The following INPP5D variants were observed in gnomAD, a reference collection of about 807,000 sequenced individuals.
INPP5D encodes the protein phosphatidylinositol 3,4,5-trisphosphate 5-phosphatase 1.
Under a neutral mutation model 122.9 loss-of-function variants are expected in INPP5D, and 33 were observed. The observed-to-expected ratio is 0.27, with a 90% confidence interval of 0.20 to 0.36. The LOEUF (loss-of-function observed/expected upper bound fraction) is 0.36, where lower values mean the gene tolerates loss of function less well. Among genes scored for constraint, INPP5D ranks in the 10% least tolerant of loss-of-function variants. INPP5D has a pLI of 1.00. For synonymous variants in INPP5D, 584 were observed against 576.2 expected (o/e 1.01, Z -0.19); for missense variants, 1,053 against 1,412.7 (o/e 0.75, Z 4.08).
chr2:233,168,821 T>G (rs1454106126), intron 13 of INPP5D: 1 of 154,182 alleles, frequency 6.5e-6, no homozygotes, highest in Non-Finnish European at 1.4e-5. Flanking sequence ...TCCATGAAGT[T>G]CCCAGGTGAT....
intron 24 of INPP5D, among the ~76,000 whole-genome samples, chr2:233,195,919 C>T (rs138009423): frequency 1.1e-3 from 169 of 152,208 alleles, no homozygotes; most frequent in Middle Eastern, 6.8e-3. Flanking sequence ...TGCAGTGAGC[C>T]GAGATTTCAC....
chr2:233,193,688 G>C, intron 22 of INPP5D, 124 bp from the exon 23 acceptor site: 2 of 1,526,176 alleles, frequency 1.3e-6, no homozygotes, highest in Non-Finnish European at 1.8e-6. Flanking sequence ...TTGTTCTGAC[G>C]GATTTATTAA....
chr2:233,142,135 G>T (rs1053512928), intron 6 of INPP5D, among the ~76,000 whole-genome samples: 2 of 152,344 alleles, frequency 1.3e-5, no homozygotes, highest in East Asian at 3.9e-4. Flanking sequence ...TCCCAGTTAC[G>T]GTGCTGCCTG....
chr2:233,195,441 C>A lies in INPP5D; in HGVS notation c.2639C>A (p.Thr880Asn). ...TERDESSGPK[T>N]LKSLTSHDPM... is the part of the protein sequence containing the mutation. ...CGTGATGAATCCAGTGGGCCAAAGA[C>A]CCTGAAGAGCCTCACCAGCCACGAC... Residue 880 changes from threonine to asparagine, a missense_variant, in exon 24 of 27, where the codon ACC becomes AAC. By Grantham distance (65) the Thr-to-Asn change is moderately conservative (BLOSUM62 0). Transcript: ENST00000445964. 2 of 1,613,898 alleles carry A rather than the reference C, an allele frequency of 1.2e-6. No individual in the cohort carries two copies. The highest frequency in any genetic ancestry group is 2.2e-5 in the South Asian group (2 of 91,080).
chr2:233,170,203 T>G lies in INPP5D; in HGVS notation c.1791+39T>G. 1 of 1,601,688 alleles carries G rather than the reference T, an allele frequency of 6.2e-7. No individual in the cohort carries two copies. The highest frequency in any genetic ancestry group is 1.1e-5 in the South Asian group (1 of 90,074). On this transcript the variant is annotated intron_variant, in intron 15 of 26. Transcript: ENST00000445964. This position sits in a 1 kb window ranked among gnomAD's most constrained non-coding sequence, Gnocchi z 4.5. ...GCCTGGGGCTGGGGCTGGGGCTGTA[T>G]GAGATGGAGGCTCCCTTGAGTCAGC...
At position 233,184,388 on chromosome 2, in the gene INPP5D, C is replaced by G. The variant is rs770398961; in HGVS notation, c.2162-20C>G. The G allele has an allele frequency of 6.2e-7, 1 of 1,612,662 alleles. No homozygotes were observed. Among genetic ancestry groups the G allele is most frequent in the African/African-American group, 1.3e-5 (1 of 74,858 alleles). ...TCCAGGCACATTGTGGAACTGAATCCGTGTTCTCCCCTGTTCCAGGTCCCG... is the reference window on the plus strand; with the variant it reads ...TCCAGGCACATTGTGGAACTGAATCGGTGTTCTCCCCTGTTCCAGGTCCCG... On this transcript the variant is annotated intron_variant, in intron 19 of 26. Coordinates refer to ENST00000445964, the MANE Select transcript of INPP5D (RefSeq NM_001017915.3).
rs1695413496 is a variant in INPP5D, at chr2:233,204,131, G to C, written c.2981G>C (p.Ser994Thr). 1.3e-6 allele frequency: 2 copies of C among 1,545,152 alleles called. No individual in the cohort carries two copies. Among genetic ancestry groups the C allele is most frequent in the African/African-American group, 1.4e-5 (1 of 72,978 alleles). ...LPPRTQESRPSDLGKNAGDTL... is the reference protein window; with the variant it reads ...LPPRTQESRPTDLGKNAGDTL... ...TGCTCTGTCCCTGGCTCTAGGCCCAGTGACCTGGGGAAGAACGCAGGGGAC... is the reference window on the plus strand; with the variant it reads ...TGCTCTGTCCCTGGCTCTAGGCCCACTGACCTGGGGAAGAACGCAGGGGAC... Residue 994 changes from serine (S) to threonine (T), a missense_variant, in exon 26 of 27, where the codon AGT (serine) becomes ACT (threonine). Ser to Thr is a moderately conservative substitution (Grantham distance 58). Coordinates refer to ENST00000445964, the MANE Select transcript of INPP5D (RefSeq NM_001017915.3).
chr2:233,065,265 G>A (rs73998438), intron 1 of INPP5D, among the ~76,000 whole-genome samples: 11,615 of 150,730 alleles, frequency 0.077, 967 homozygotes, highest in African/African-American at 0.21. Flanking sequence ...CTACCTGGTA[G>A]GTTAAATTCA....
At chr2:233,179,236 CT>C (rs1055954300) in intron 18 of INPP5D, among the ~76,000 whole-genome samples, 9 of 152,238 alleles carry the variant, frequency 5.9e-5, no homozygotes, top group Admixed American at 5.9e-4. Flanking sequence ...AGCCTCCTCA[CT>C]TGTGCATTCC....
In INPP5D at chr2:233,100,286, G is replaced by A. The variant is rs773700444; in HGVS notation, c.198+20888G>A. On this transcript the variant is annotated intron_variant, in intron 2 of 26. Transcript: ENST00000445964. This position sits in a 1 kb window ranked among gnomAD's most constrained non-coding sequence, Gnocchi z 5.3. ...CACTGAGCTATGATATTCATCAGAC[G>A]CAACTAATTACCCAACTTGTGAGGC... 7.2e-5 allele frequency among the ~76,000 whole-genome samples: 11 copies of A among 152,248 alleles called. No homozygotes were observed. The highest frequency in any genetic ancestry group is 3.4e-3 in the Middle Eastern group (1 of 294).
rs889676595 is a variant in INPP5D at position 233,078,067 on chromosome 2, A to G, written c.135-1268A>G. Among the ~76,000 whole-genome samples the G allele has an allele frequency of 6.6e-5, 10 of 152,098 alleles. No individual in the cohort carries two copies. The highest frequency in any genetic ancestry group is 1.5e-4 in the Non-Finnish European group (10 of 68,008). On this transcript the variant is annotated intron_variant, in intron 1 of 26. Coordinates refer to ENST00000445964, the MANE Select transcript of INPP5D (RefSeq NM_001017915.3). This position sits in a 1 kb window ranked among gnomAD's most constrained non-coding sequence, Gnocchi z 4.6. ...AGAATCTTAAGTAGCAAAATGGGGC[A>G]AGATTATGGTGGGTGAGAACAGACC... is the stretch of plus-strand genomic sequence containing the variant.
intron 5 of INPP5D, among the ~76,000 whole-genome samples, chr2:233,137,853 A>AATATATAT (rs1160357196): frequency 3.6e-5 from 1 of 27,730 alleles, no homozygotes; most frequent in African/African-American, 1.2e-4. Context: ...AAAAAAAAAA[A>AATATATAT]ATATATATAT....
chr2:233,105,881 G>A lies in INPP5D; in HGVS notation c.199-16226G>A, dbSNP rs565291376. On this transcript the variant is annotated intron_variant, in intron 2 of 26. Coordinates refer to ENST00000445964, the MANE Select transcript of INPP5D (RefSeq NM_001017915.3). The surrounding 1 kb of genome is among the most constrained non-coding windows in gnomAD (Gnocchi z 4.0). ...TGGTGGGGTCCAAAGAGGCCCGAAG[G>A]CCTGCACAGGGGATGAGATGAAGGG... Among the ~76,000 whole-genome samples, 34 of 152,304 alleles carry A rather than the reference G, an allele frequency of 2.2e-4. No homozygotes were observed. The highest frequency in any genetic ancestry group is 1.2e-3 in the Admixed American group (18 of 15,302).
chr2:233,186,511 A>G (rs1187161858), intron 21 of INPP5D, among the ~76,000 whole-genome samples: 1 of 151,886 alleles, frequency 6.6e-6, no homozygotes, highest in East Asian at 1.9e-4. Context: ...TATAGAAAAA[A>G]TGGTTTTCTG....
rs562544167 is a variant in INPP5D at position 233,206,875 on chromosome 2, T to C, written c.*167T>C. ...TGTGTGGCCCACAGAGTTCACTGCC[T>C]GTGAGACTTAGCACCAAGTGCTGAG... is the stretch of plus-strand genomic sequence containing the variant. On this transcript the variant is annotated 3_prime_UTR_variant, in exon 27 of 27. Coordinates refer to ENST00000445964, the MANE Select transcript of INPP5D (RefSeq NM_001017915.3). The surrounding 1 kb of genome is among the most constrained non-coding windows in gnomAD (Gnocchi z 4.0). The C allele has an allele frequency of 1.3e-5, 8 of 625,310 alleles. No individual in the cohort carries two copies. The highest frequency in any genetic ancestry group is 2.1e-5 in the Non-Finnish European group (7 of 338,620). 38.7% of individuals were successfully genotyped at this position (625,310 alleles called of 1,614,324 possible). A position where few individuals can be genotyped will look rare whatever the true frequency, so the allele number is the denominator to read the frequency against.
intron 5 of INPP5D, among the ~76,000 whole-genome samples, chr2:233,136,239 AG>A (rs960904794): frequency 5.3e-5 from 8 of 152,222 alleles, no homozygotes; most frequent in Admixed American, 4.6e-4. Flanking sequence ...ACACTTTGGG[AG>A]GCCAAGGTGG....
At chr2:233,152,086 T>C (rs915827110) in intron 9 of INPP5D, among the ~76,000 whole-genome samples, 1 of 152,174 alleles carries the variant, frequency 6.6e-6, no homozygotes, top group African/African-American at 2.4e-5. Flanking sequence ...TTGCTAATAG[T>C]ATGATCTCAA....
chr2:233,123,447 C>T (rs1295222656), intron 3 of INPP5D, among the ~76,000 whole-genome samples: 8 of 125,218 alleles, frequency 6.4e-5, no homozygotes, highest in South Asian at 5.0e-4. Context: ...AGGGAGACTC[C>T]GTCTCAAAAA....
rs148742765 is a variant in INPP5D, at chr2:233,135,577, C to A, written c.666-4265C>A. Among the ~76,000 whole-genome samples the A allele has an allele frequency of 1.1e-4, 17 of 150,102 alleles. No individual in the cohort carries two copies. In the East Asian group the frequency reaches 3.3e-3, roughly 29 times the overall value. ...AACAGTACCATAGCTTTAAAATTGTCGACATTTAAAATGTTAAATATTTTT... is the reference window on the plus strand; with the variant it reads ...AACAGTACCATAGCTTTAAAATTGTAGACATTTAAAATGTTAAATATTTTT... On this transcript the variant is annotated intron_variant, in intron 5 of 26. Coordinates refer to ENST00000445964, the MANE Select transcript of INPP5D (RefSeq NM_001017915.3).
Sources: allele counts gnomAD v4.1 joint callset (sites outside exome capture counted in the v4.1 genomes callset), GRCh38; gene constraint gnomAD v4.1.1; non-coding constraint Gnocchi (gnomAD v3.1); transcripts MANE v1.5; gene names NCBI Gene and HGNC (gene_info 2026-07-23, HGNC 2026-07-21).